Variants in SYT1 observed in about 807,000 individuals in gnomAD.
SYT1 encodes synaptotagmin 1, also known as synaptotagmin-1.
A neutral mutation model predicts 44.8 loss-of-function variants in SYT1; 8 were observed. That is an observed-to-expected ratio of 0.18 (90% CI 0.10 to 0.32). The LOEUF is 0.32. SYT1 is among the 10% of genes least tolerant of loss of function. SYT1 has a pLI of 1.00. For synonymous variants in SYT1, 154 were observed against 188.8 expected, an observed-to-expected ratio of 0.82 and a Z score of 1.51; for missense variants, 286 against 509.3, an observed-to-expected ratio of 0.56 and a Z score of 4.22.
At chr12:79,374,805 G>A (rs1465040464) in intron 9 of SYT1, among the ~76,000 whole-genome samples, 2 of 152,196 alleles carry the variant, frequency 1.3e-5, no homozygotes, top group East Asian at 3.9e-4. Context: ...GTAGTGAGAT[G>A]GATTTTGTGA....
chr12:79,142,235 T>A (rs1249958946), intron 3 of SYT1, among the ~76,000 whole-genome samples: 1 of 152,240 alleles, frequency 6.6e-6, no homozygotes, highest in Non-Finnish European at 1.5e-5. Context: ...TGTGCAAAAT[T>A]CCAAAGCGAG....
chr12:79,001,151 C>G (rs1870713079), intron 2 of SYT1, among the ~76,000 whole-genome samples: 1 of 151,870 alleles, frequency 6.6e-6, no homozygotes, highest in Non-Finnish European at 1.5e-5. Flanking sequence ...CTTTCAGTAG[C>G]TAAAAATTGC....
chr12:78,914,223 T>C (rs1876512467), intron 1 of SYT1, among the ~76,000 whole-genome samples: 1 of 151,990 alleles, frequency 6.6e-6, no homozygotes, highest in South Asian at 2.1e-4. Flanking sequence ...TGTGGATCTT[T>C]TACATTGGAG....
intron 2 of SYT1, among the ~76,000 whole-genome samples, chr12:78,987,664 T>G (rs1869740685): frequency 6.6e-6 from 1 of 151,994 alleles, no homozygotes; most frequent in African/African-American, 2.4e-5. Context: ...CATTTGCTAT[T>G]TACTTTACAT....
At chr12:79,225,258 A>G (rs890028624) in intron 4 of SYT1, among the ~76,000 whole-genome samples, 2 of 152,200 alleles carry the variant, frequency 1.3e-5, no homozygotes, top group African/African-American at 4.8e-5. Context: ...TGAAGCATAC[A>G]AGGAATCAGC....
chr12:78,931,238 A>AGGAAGGAAG lies in SYT1; in HGVS notation c.-216-46560_-216-46559insGAAGGAAGG, dbSNP rs1187572734. On this transcript the variant is annotated intron_variant, in intron 1 of 10. Transcript: ENST00000261205. ...AAGAAAGAAAGAAAGAAAGAAAGAA[A>AGGAAGGAAG]GAAGGAAGGAAGGAAGGAAGGAAGG... Among the ~76,000 whole-genome samples the AGGAAGGAAG allele has an allele frequency of 2.4e-4, 10 of 41,126 alleles. 1 individual carries two copies. The highest frequency in any genetic ancestry group is 1.1e-3 in the East Asian group (1 of 896). 27.0% of individuals were successfully genotyped at this position (41,126 alleles called of 152,430 possible). A position where few individuals can be genotyped will look rare whatever the true frequency, so the allele number is the denominator to read the frequency against.
At chr12:79,095,056 A>C (rs1878033282) in intron 3 of SYT1, among the ~76,000 whole-genome samples, 1 of 151,930 alleles carries the variant, frequency 6.6e-6, no homozygotes, top group Non-Finnish European at 1.5e-5. Context: ...TGAGGGCCTA[A>C]TAACCTGTGT....
intron 3 of SYT1, among the ~76,000 whole-genome samples, chr12:79,154,843 A>G (rs1430438664): frequency 6.6e-6 from 1 of 152,122 alleles, no homozygotes; most frequent in Non-Finnish European, 1.5e-5. Flanking sequence ...TTTGGGGGAA[A>G]AAAATGCTGT....
chr12:79,235,053 G>T (rs1257423595), intron 4 of SYT1, among the ~76,000 whole-genome samples: 4 of 152,164 alleles, frequency 2.6e-5, no homozygotes, highest in East Asian at 1.9e-4. Flanking sequence ...ATATTTTTGG[G>T]CAACTCTTTA....
At chr12:79,254,609 G>A (rs1241944935) in intron 4 of SYT1, among the ~76,000 whole-genome samples, 2 of 152,172 alleles carry the variant, frequency 1.3e-5, no homozygotes, top group African/African-American at 2.4e-5. Flanking sequence ...TGTAACTGCT[G>A]TATATAGTTA....
At chr12:78,931,824 CTCTAA>C (rs1565724316) in intron 1 of SYT1, among the ~76,000 whole-genome samples, 2 of 152,076 alleles carry the variant, frequency 1.3e-5, no homozygotes, top group African/African-American at 4.8e-5. Flanking sequence ...CAGATGGCTT[CTCTAA>C]TCTAATGAGG....
At chr12:78,938,272 C>T (rs766246559) in intron 1 of SYT1, among the ~76,000 whole-genome samples, 4 of 152,080 alleles carry the variant, frequency 2.6e-5, no homozygotes, top group Non-Finnish European at 5.9e-5. Flanking sequence ...TGCAAACAGC[C>T]ATCAGCGAGT....
At chr12:79,142,847 T>C (rs1212986605) in intron 3 of SYT1, among the ~76,000 whole-genome samples, 1 of 152,174 alleles carries the variant, frequency 6.6e-6, no homozygotes, top group Admixed American at 6.5e-5. Context: ...AGAGAATAGT[T>C]TCTTTATGGG....
intron 10 of SYT1, among the ~76,000 whole-genome samples, chr12:79,446,730 G>T (rs767523485): frequency 1.3e-5 from 2 of 152,130 alleles, no homozygotes; most frequent in Admixed American, 6.6e-5. Flanking sequence ...CTGGTTCCCT[G>T]TTCCCAATAA....
intron 1 of SYT1, among the ~76,000 whole-genome samples, chr12:78,936,459 GC>G (rs1878063986): frequency 6.6e-6 from 1 of 152,036 alleles, no homozygotes; most frequent in Non-Finnish European, 1.5e-5. Flanking sequence ...CGTCTTTTAA[GC>G]GGCTTTTAGT....
chr12:79,297,112 G>T (rs1358439755), intron 7 of SYT1, among the ~76,000 whole-genome samples: 1 of 152,114 alleles, frequency 6.6e-6, no homozygotes. Context: ...GAAAATGAGG[G>T]CATGAGTCAT....
At chr12:79,020,606 T>C (rs569615727) in intron 2 of SYT1, among the ~76,000 whole-genome samples, 1 of 152,058 alleles carries the variant, frequency 6.6e-6, no homozygotes, top group East Asian at 1.9e-4. Context: ...GCACCAGGCA[T>C]TCCTTTCTTA....
chr12:78,880,980 C>T (rs1309566135), intron 1 of SYT1, among the ~76,000 whole-genome samples: 2 of 151,502 alleles, frequency 1.3e-5, no homozygotes, highest in Non-Finnish European at 3.0e-5. Flanking sequence ...AAAAACAAAC[C>T]TTTTTCCAAC....
chr12:79,308,546 A>C (rs73152038), intron 8 of SYT1, among the ~76,000 whole-genome samples: 141 of 148,586 alleles, frequency 9.5e-4, no homozygotes, highest in African/African-American at 3.0e-3. Flanking sequence ...GAAAGAAAGA[A>C]AGAAAAAAGA....
Sources: allele counts gnomAD v4.1 joint callset (sites outside exome capture counted in the v4.1 genomes callset), GRCh38; gene constraint gnomAD v4.1.1; transcripts MANE v1.5; gene names NCBI Gene and HGNC (gene_info 2026-07-23, HGNC 2026-07-21).